Variants in CHCHD6 observed in about 807,000 individuals in gnomAD.
CHCHD6 encodes the protein coiled-coil-helix-coiled-coil-helix domain containing 6.
Under a neutral mutation model 32.3 loss-of-function variants are expected in CHCHD6, and 28 were observed. The observed-to-expected ratio is 0.87, with a 90% CI of 0.64 to 1.19. CHCHD6 has a LOEUF of 1.19. Among genes scored for constraint, CHCHD6 ranks in the 50% most tolerant of loss-of-function variants. The pLI, the probability that CHCHD6 is intolerant of heterozygous loss-of-function variation, is 0.00. For missense variants in CHCHD6, 333 were observed against 307.0 expected (o/e 1.08, Z -0.63); for synonymous variants, 122 against 117.5 (o/e 1.04, Z -0.25).
intron 4 of CHCHD6, among the ~76,000 whole-genome samples, chr3:126,789,244 A>G (rs1938394250): frequency 6.6e-6 from 1 of 152,162 alleles, no homozygotes; most frequent in African/African-American, 2.4e-5. Flanking sequence ...ACTTCCAACT[A>G]TGTGGTCAAT....
intron 4 of CHCHD6, among the ~76,000 whole-genome samples, chr3:126,817,584 G>A (rs1939959834): frequency 6.6e-6 from 1 of 152,180 alleles, no homozygotes; most frequent in Admixed American, 6.5e-5. Context: ...CTGTCCAGCA[G>A]GGCACAGTCC....
chr3:126,951,671 G>T (rs1326620589), intron 6 of CHCHD6, among the ~76,000 whole-genome samples: 1 of 152,256 alleles, frequency 6.6e-6, no homozygotes, highest in Non-Finnish European at 1.5e-5. Context: ...CCAGGGGCCA[G>T]TCGGCCACCA....
intron 4 of CHCHD6, among the ~76,000 whole-genome samples, chr3:126,816,294 T>A (rs146743453): frequency 3.9e-5 from 6 of 152,278 alleles, no homozygotes; most frequent in African/African-American, 1.4e-4. Context: ...GGCTTGGCGC[T>A]TTCTCGTTGG....
At chr3:126,864,842 C>G (rs202133696) in intron 5 of CHCHD6, among the ~76,000 whole-genome samples, 7 of 134,280 alleles carry the variant, frequency 5.2e-5, no homozygotes, top group East Asian at 4.5e-4. Context: ...TCCTCCTCCA[C>G]CATCATCTCC....
intron 4 of CHCHD6, among the ~76,000 whole-genome samples, chr3:126,773,360 A>G (rs1468734651): frequency 6.6e-6 from 1 of 152,168 alleles, no homozygotes; most frequent in Non-Finnish European, 1.5e-5. Flanking sequence ...ACAGATGCAC[A>G]CAATAATTTA....
intron 4 of CHCHD6, among the ~76,000 whole-genome samples, chr3:126,746,715 C>T (rs1309990322): frequency 6.6e-6 from 1 of 152,214 alleles, no homozygotes; most frequent in African/African-American, 2.4e-5. Context: ...CGGGTGCTTT[C>T]GATAGCCTAT....
At chr3:126,940,426 C>T (rs549194265) in intron 6 of CHCHD6, among the ~76,000 whole-genome samples, 14 of 152,122 alleles carry the variant, frequency 9.2e-5, no homozygotes, top group Admixed American at 7.2e-4. Context: ...ATGGTTATAC[C>T]AGAATTTATG....
At chr3:126,935,716 T>C (rs2078470301) in intron 6 of CHCHD6, among the ~76,000 whole-genome samples, 1 of 152,232 alleles carries the variant, frequency 6.6e-6, no homozygotes, top group African/African-American at 2.4e-5. Context: ...ATGTACAATT[T>C]CCACGCAGTA....
chr3:126,790,667 G>A (rs58002446), intron 4 of CHCHD6, among the ~76,000 whole-genome samples: 19 of 152,262 alleles, frequency 1.2e-4, no homozygotes, highest in African/African-American at 4.3e-4. Flanking sequence ...ATGGTTTTCA[G>A]CTCCATCAGG....
At chr3:126,776,187 A>G (rs1937642963) in intron 4 of CHCHD6, among the ~76,000 whole-genome samples, 1 of 152,232 alleles carries the variant, frequency 6.6e-6, no homozygotes, top group Non-Finnish European at 1.5e-5. Context: ...ATCTTGCTAC[A>G]GTGCGTTTTA....
rs760519166 is a variant in CHCHD6 at position 126,733,697 on chromosome 3, A to G, written c.411+475A>G. 4.4e-4 allele frequency among the ~76,000 whole-genome samples: 67 copies of G among 152,228 alleles called. 1 individual carries two copies. Among genetic ancestry groups the G allele is most frequent in the Middle Eastern group, 3.2e-3 (1 of 316 alleles). On this transcript the variant is annotated intron_variant, in intron 4 of 7. Transcript: ENST00000290913. Reference sequence around the variant, plus strand: ...CTTGCTTGAAGTTCGTGATGTTTACACACAGGACTGCCCAGGGAATCAGAG... The same window carrying G: ...CTTGCTTGAAGTTCGTGATGTTTACGCACAGGACTGCCCAGGGAATCAGAG...
At chr3:126,803,138 A>T (rs1255820031) in intron 4 of CHCHD6, among the ~76,000 whole-genome samples, 7 of 152,228 alleles carry the variant, frequency 4.6e-5, no homozygotes, top group Admixed American at 4.6e-4. Flanking sequence ...CATCGAGACT[A>T]GGAAGAAACT....
chr3:126,890,558 C>A (rs2107577758), intron 5 of CHCHD6, among the ~76,000 whole-genome samples: 1 of 152,256 alleles, frequency 6.6e-6, no homozygotes, highest in South Asian at 2.1e-4. Context: ...AGAGTAGGGA[C>A]TGGGCTCTGT....
chr3:126,866,625 C>T (rs1942297264), intron 5 of CHCHD6, among the ~76,000 whole-genome samples: 1 of 152,206 alleles, frequency 6.6e-6, no homozygotes, highest in Admixed American at 6.5e-5. Context: ...TCTACTGGGC[C>T]ACCTCAGAGG....
intron 4 of CHCHD6, among the ~76,000 whole-genome samples, chr3:126,772,662 A>G (rs939773115): frequency 6.6e-6 from 1 of 152,178 alleles, no homozygotes; most frequent in African/African-American, 2.4e-5. Flanking sequence ...TGAAGACAGC[A>G]TACCATTGGG....
chr3:126,934,726 T>G (rs889095859), intron 6 of CHCHD6, among the ~76,000 whole-genome samples: 2 of 151,936 alleles, frequency 1.3e-5, no homozygotes, highest in African/African-American at 4.8e-5. Context: ...TTTTTTTGTA[T>G]TTTTAGTAGA....
rs371474822 is a variant in CHCHD6, at chr3:126,832,954, T to C, written c.412-19693T>C. 5.9e-5 allele frequency among the ~76,000 whole-genome samples: 9 copies of C among 152,132 alleles called. No individual in the cohort carries two copies. The East Asian group carries it at 7.7e-4, about 13-fold the overall frequency. On this transcript the variant is annotated intron_variant, in intron 4 of 7. Coordinates refer to ENST00000290913, the MANE Select transcript of CHCHD6 (RefSeq NM_032343.3). ...CCCCTTGCCTTCACAGTCATCACTT[T>C]GGGTTATGCACTTGGCAGATACAGC...
chr3:126,723,157 A>G (rs1229815615), intron 1 of CHCHD6, among the ~76,000 whole-genome samples: 1 of 152,138 alleles, frequency 6.6e-6, no homozygotes, highest in Non-Finnish European at 1.5e-5. Flanking sequence ...TTCCATTGAT[A>G]TGTTTGGTCT....
rs372052778 is a variant in CHCHD6 at position 126,806,671 on chromosome 3, T to C, written c.412-45976T>C. On this transcript the variant is annotated intron_variant, in intron 4 of 7. Coordinates refer to ENST00000290913, the MANE Select transcript of CHCHD6 (RefSeq NM_032343.3). ...CTCAGGGATCTAGAACTAGAAATAC[T>C]ATTTGACCCAGCCATCCCATTACTG... 9.0e-4 allele frequency among the ~76,000 whole-genome samples: 137 copies of C among 152,178 alleles called. 1 individual carries two copies. The South Asian group carries it at 0.011, about 12-fold the overall frequency.
Sources: allele counts gnomAD v4.1 joint callset (sites outside exome capture counted in the v4.1 genomes callset), GRCh38; gene constraint gnomAD v4.1.1; transcripts MANE v1.5; gene names NCBI Gene and HGNC (gene_info 2026-07-23, HGNC 2026-07-21).